Variants in TTLL7 observed in about 807,000 individuals in gnomAD.
TTLL7 encodes tubulin tyrosine ligase like 7.
In TTLL7, 53 loss-of-function variants were observed where a neutral mutation model predicts 120.2. That is an observed-to-expected ratio of 0.44 (90% CI 0.35 to 0.55). TTLL7 has a LOEUF of 0.55. Ranked by LOEUF, TTLL7 falls within the 20% of genes least tolerant of loss-of-function variation. TTLL7 has a pLI of 0.00. For missense variants in TTLL7, 803 were observed against 1,054.7 expected (o/e 0.76, Z 3.31); for synonymous variants, 353 against 351.7 (o/e 1.00, Z -0.04).
At chr1:83,870,733 A>T (rs1480017650) in intron 20 of TTLL7, among the ~76,000 whole-genome samples, 2 of 151,708 alleles carry the variant, frequency 1.3e-5, no homozygotes, top group Non-Finnish European at 2.9e-5. Flanking sequence ...CAATGTGGAG[A>T]AACCCCATCT....
At chr1:83,912,026 T>A (rs1388613296) in intron 14 of TTLL7, among the ~76,000 whole-genome samples, 1 of 152,156 alleles carries the variant, frequency 6.6e-6, no homozygotes, top group Non-Finnish European at 1.5e-5. Context: ...TAGTTAACTG[T>A]CCATTTTCCA....
At chr1:83,972,105 T>A (rs1364611388) in intron 1 of TTLL7, among the ~76,000 whole-genome samples, 1 of 152,006 alleles carries the variant, frequency 6.6e-6, no homozygotes, top group African/African-American at 2.4e-5. Flanking sequence ...CAAACCTACA[T>A]TGATATATCA....
At chr1:83,900,398 T>C (rs1656619430) in intron 18 of TTLL7, among the ~76,000 whole-genome samples, 1 of 151,996 alleles carries the variant, frequency 6.6e-6, no homozygotes, top group South Asian at 2.1e-4. Context: ...GATAGCTGAA[T>C]ACAAAGTGCC....
rs1049696061 is a variant in TTLL7, at chr1:83,866,911, GGTT to G, written c.*3048_*3050del. ...GTAAGTGATGATTTAAAATAAAAAA[GGTT>G]GTTTCTTAGACATTTCTAGAAATTA... On this transcript the variant is annotated 3_prime_UTR_variant, in exon 21 of 21. Transcript: ENST00000260505. 36 of 151,980 alleles carry G rather than the reference GGTT, an allele frequency of 2.4e-4. No individual in the cohort carries two copies. Among genetic ancestry groups the G allele is most frequent in the African/African-American group, 7.7e-4 (32 of 41,524 alleles). The allele number at this position is 151,980 out of a possible 1,614,324, so 9.4% of individuals were successfully genotyped here. A position where few individuals can be genotyped will look rare whatever the true frequency, so the allele number is the denominator to read the frequency against.
intron 19 of TTLL7, among the ~76,000 whole-genome samples, chr1:83,886,973 C>T (rs535633572): frequency 1.1e-4 from 17 of 152,126 alleles, no homozygotes; most frequent in African/African-American, 4.1e-4. Flanking sequence ...CAAATGTGGG[C>T]ATCATAACAT....
intron 1 of TTLL7, among the ~76,000 whole-genome samples, chr1:83,995,259 TAC>T (rs1653379125): frequency 1.3e-5 from 2 of 152,008 alleles, no homozygotes; most frequent in Admixed American, 1.3e-4. Context: ...TGGGAATTGA[TAC>T]AGTTTGGATA....
rs540621403 is a variant in TTLL7, at chr1:83,895,688, A to G, written c.2209-5207T>C. Among the ~76,000 whole-genome samples, 3 of 152,230 alleles carry G rather than the reference A, an allele frequency of 2.0e-5. No homozygotes were observed. The South Asian group carries it at 6.2e-4, about 32-fold the overall frequency. On this transcript the variant is annotated intron_variant, in intron 18 of 20. Coordinates refer to ENST00000260505, the MANE Select transcript of TTLL7 (RefSeq NM_024686.6). ...TATGGATGAGAAAACTCAGGCACAAAGCAGATAAGTAACTTGCCCAAGATT... is the reference window on the plus strand; with the variant it reads ...TATGGATGAGAAAACTCAGGCACAAGGCAGATAAGTAACTTGCCCAAGATT...
intron 10 of TTLL7, among the ~76,000 whole-genome samples, chr1:83,928,893 A>G (rs891068675): frequency 6.6e-6 from 1 of 151,736 alleles, no homozygotes; most frequent in African/African-American, 2.4e-5. Context: ...AGTATACAGG[A>G]GTAGGGGGGA....
intron 2 of TTLL7, 99 bp downstream of exon 2, chr1:83,952,088 T>TA (rs1649119396): frequency 1.3e-6 from 2 of 1,505,938 alleles, no homozygotes; most frequent in Non-Finnish European, 1.8e-6. Context: ...CCTGGTACTT[T>TA]AAAAAGTCCC....
rs1471344674 is a variant in TTLL7, at chr1:83,866,011, A to G, written c.*3951T>C. The G allele has an allele frequency of 2.0e-5, 3 of 151,958 alleles. No homozygotes were observed. Among genetic ancestry groups the G allele is most frequent in the Admixed American group, 2.0e-4 (3 of 15,240 alleles). 9.4% of individuals were successfully genotyped at this position (151,958 alleles called of 1,614,324 possible). ...GGCCCTTGAAAACTTAAATTTCTTA[A>G]AGAGAAAAGCAAATTTTCAAAAAAT... On this transcript the variant is annotated 3_prime_UTR_variant, in exon 21 of 21. Transcript: ENST00000260505.
chr1:83,964,142 C>G (rs1020139905), intron 1 of TTLL7, among the ~76,000 whole-genome samples: 4 of 152,072 alleles, frequency 2.6e-5, no homozygotes, highest in African/African-American at 4.8e-5. Context: ...TAATTAAATT[C>G]AACTATATTT....
chr1:83,953,762 C>T (rs939557393), intron 1 of TTLL7, among the ~76,000 whole-genome samples: 1 of 152,080 alleles, frequency 6.6e-6, no homozygotes, highest in Non-Finnish European at 1.5e-5. Flanking sequence ...AGACTTTAAA[C>T]CCAATTCTAA....
intron 15 of TTLL7, among the ~76,000 whole-genome samples, chr1:83,909,743 C>A (rs1158056012): frequency 6.6e-6 from 1 of 152,058 alleles, no homozygotes; most frequent in Non-Finnish European, 1.5e-5. Flanking sequence ...GAACAAAGAA[C>A]AATCTCAGAG....
At chr1:83,900,027 CATA>C (rs1171900041) in intron 18 of TTLL7, 4 of 275,780 alleles carry the variant, frequency 1.5e-5, no homozygotes, top group Non-Finnish European at 2.8e-5. Context: ...GTCAACTGAG[CATA>C]ATAACCCTAA....
intron 19 of TTLL7, among the ~76,000 whole-genome samples, chr1:83,885,897 T>C (rs1654934159): frequency 6.6e-6 from 1 of 152,072 alleles, no homozygotes; most frequent in Non-Finnish European, 1.5e-5. Flanking sequence ...ACCCCAGGTC[T>C]CATCTACCTG....
At chr1:83,884,769 T>C (rs1209533832) in intron 19 of TTLL7, among the ~76,000 whole-genome samples, 1 of 150,306 alleles carries the variant, frequency 6.7e-6, no homozygotes, top group African/African-American at 2.4e-5. Context: ...ATATACCTAA[T>C]GCTAAATGAC....
intron 1 of TTLL7, among the ~76,000 whole-genome samples, chr1:83,973,701 G>A (rs1651203662): frequency 6.6e-6 from 1 of 151,878 alleles, no homozygotes; most frequent in African/African-American, 2.4e-5. Flanking sequence ...AACTGAACTT[G>A]GAATATATCT....
intron 7 of TTLL7, among the ~76,000 whole-genome samples, chr1:83,939,692 T>C (rs1647754282): frequency 6.6e-6 from 1 of 152,176 alleles, no homozygotes; most frequent in Non-Finnish European, 1.5e-5. Context: ...ACCACTACAT[T>C]GGTAGCAAAA....
chr1:83,939,160 G>A (rs1647699118), intron 7 of TTLL7, among the ~76,000 whole-genome samples: 1 of 152,038 alleles, frequency 6.6e-6, no homozygotes, highest in South Asian at 2.1e-4. Context: ...CTATCCTTAT[G>A]AAACAGGAAA....
Sources: allele counts gnomAD v4.1 joint callset (sites outside exome capture counted in the v4.1 genomes callset), GRCh38; gene constraint gnomAD v4.1.1; transcripts MANE v1.5; gene names NCBI Gene and HGNC (gene_info 2026-07-23, HGNC 2026-07-21).